The following TRNT1 variants were observed in gnomAD, a reference collection of about 807,000 sequenced individuals.
The protein encoded by TRNT1 is tRNA nucleotidyl transferase 1, also known as CCA tRNA nucleotidyltransferase 1, mitochondrial.
A neutral mutation model predicts 45.6 loss-of-function variants in TRNT1; 44 were observed. The observed-to-expected ratio is 0.97, with a 90% CI of 0.76 to 1.24. The LOEUF (loss-of-function observed/expected upper bound fraction) is 1.24. Among genes scored for constraint, TRNT1 ranks in the 50% most tolerant of loss-of-function variants. The probability of loss-of-function intolerance (pLI) is 0.00; values close to 1 mark genes in which losing one functional copy is unlikely to be tolerated. For synonymous variants in TRNT1, 201 were observed against 171.4 expected (o/e 1.17, Z -1.35); for missense variants, 633 against 504.4 (o/e 1.25, Z -2.44).
chr3:3,150,898 T>TTCA, downstream of TRNT1: 1 of 1,613,980 alleles, frequency 6.2e-7, no homozygotes, highest in Non-Finnish European at 8.5e-7. Flanking sequence ...CTGGACTTAT[T>TTCA]TCATCTTCAG....
Position 3,137,347 on chromosome 3 carries a change from A to T in TRNT1, c.236A>T (p.Asp79Val). 1 of 1,614,040 alleles carries T rather than the reference A, an allele frequency of 6.2e-7. No homozygotes were observed. Among genetic ancestry groups the T allele is most frequent in the Non-Finnish European group, 8.5e-7 (1 of 1,179,944 alleles). Residue 79 changes from aspartate to valine, a missense_variant, in exon 3 of 8, where the codon GAT (aspartate) becomes GTT (valine). Coordinates refer to ENST00000251607, the MANE Select transcript of TRNT1 (RefSeq NM_182916.3). ...LLNGVKPQDI[D>V]FATTATPTQM... ...AATGGAGTAAAGCCTCAGGATATAG[A>T]TTTTGCCACCACTGCTACCCCTACT...
Position 3,145,944 on chromosome 3 carries a change from G to A in TRNT1, c.609-486G>A, listed in dbSNP as rs537871396. ...TTCCGCGAAATATACTCCAGGGTGC[G>A]CAACTAGATGAGTCGTATTTGAAGG... On this transcript the variant is annotated intron_variant, in intron 5 of 7. Coordinates refer to ENST00000251607, the MANE Select transcript of TRNT1 (RefSeq NM_182916.3). Among the ~76,000 whole-genome samples the A allele has an allele frequency of 5.9e-5, 9 of 151,378 alleles. No homozygotes were observed. In the East Asian group the frequency reaches 9.7e-4, roughly 16 times the overall value.
chr3:3,133,540 A>AGT (rs955551200), intron 2 of TRNT1, among the ~76,000 whole-genome samples: 3 of 151,600 alleles, frequency 2.0e-5, no homozygotes, highest in African/African-American at 4.9e-5. Flanking sequence ...CCTGGATGAC[A>AGT]GTGAGACCCT....
chr3:3,144,058 A>T (rs1258663330), intron 4 of TRNT1, among the ~76,000 whole-genome samples: 1 of 152,172 alleles, frequency 6.6e-6, no homozygotes, highest in African/African-American at 2.4e-5. Flanking sequence ...TTTGTGTGTG[A>T]TAGTAGTTTC....
chr3:3,150,731 C>A, downstream of TRNT1: 1 of 881,912 alleles, frequency 1.1e-6, no homozygotes, highest in South Asian at 1.7e-5. Flanking sequence ...GAAACTGCAA[C>A]CCTCCAAGTA....
chr3:3,144,416 T>TAATA (rs1705850431), intron 4 of TRNT1, among the ~76,000 whole-genome samples, 168 bp from the exon 5 acceptor site: 1 of 152,222 alleles, frequency 6.6e-6, no homozygotes, highest in Non-Finnish European at 1.5e-5. Context: ...AAGACAGTCT[T>TAATA]TTATTGTCTT....
At chr3:3,135,706 A>T (rs748608093) in intron 2 of TRNT1, among the ~76,000 whole-genome samples, 1 of 152,188 alleles carries the variant, frequency 6.6e-6, no homozygotes, top group African/African-American at 2.4e-5. Flanking sequence ...TGAGGTAGGG[A>T]TAGAGGATTC....
intron 2 of TRNT1, among the ~76,000 whole-genome samples, chr3:3,132,947 G>C (rs531464909): frequency 6.6e-6 from 1 of 152,068 alleles, no homozygotes; most frequent in African/African-American, 2.4e-5. Flanking sequence ...ATCTTTTAGT[G>C]CAATGATCAA....
At chr3:3,146,768 G>C in intron 6 of TRNT1, 145 bp downstream of exon 6, 2 of 798,020 alleles carry the variant, frequency 2.5e-6, no homozygotes. Context: ...TTGGGTTATG[G>C]GGTAAGTTTT....
chr3:3,151,159 T>TAA, downstream of TRNT1: 1 of 1,127,084 alleles, frequency 8.9e-7, no homozygotes, highest in Non-Finnish European at 1.3e-6. Context: ...TTAGAGATTC[T>TAA]AAGTTGAGAT....
At chr3:3,130,088 T>C in intron 2 of TRNT1, 1 of 976,536 alleles carries the variant, frequency 1.0e-6, no homozygotes, top group Non-Finnish European at 1.5e-6. Context: ...TGTTGTCTGC[T>C]GATGTTGCTA....
At chr3:3,150,712 T>A (rs79231110), downstream of TRNT1, 1,764 of 739,820 alleles carry the variant, frequency 2.4e-3, 18 homozygotes, top group African/African-American at 0.026. Context: ...TCAAATACAG[T>A]TTCACTTAGA....
At position 3,140,742 on chromosome 3, in the gene TRNT1, A is replaced by C; in HGVS notation, c.481+94A>C. ...TCTGGAAATGTTCTTCAACTTGAGA[A>C]GTTGCATTAATTTCTTCTAAGAGAT... is the stretch of plus-strand genomic sequence containing the variant. On this transcript the variant is annotated intron_variant, in intron 4 of 7. Transcript: ENST00000251607. 2.8e-6 allele frequency: 4 copies of C among 1,454,410 alleles called. No homozygotes were observed. In the South Asian group the frequency reaches 5.1e-5, roughly 19 times the overall value. The allele number at this position is 1,454,410 out of a possible 1,614,324, so 90.1% of individuals were successfully genotyped here. A position where few individuals can be genotyped will look rare whatever the true frequency, so the allele number is the denominator to read the frequency against.
Position 3,146,595 on chromosome 3 carries a change from C to T in TRNT1, c.774C>T (p.Ile258=). ...GNHVNHLIHL[I]YDLDVAPYIG... ...ATGTAAATCATTTGATTCACCTTAT[C>T]TATGATCTTGATGTGGCTCCTTATA... Residue 258 remains isoleucine (I), a synonymous_variant, in exon 6 of 8, where the codon ATC becomes ATT. Transcript: ENST00000251607. 1.2e-6 allele frequency: 2 copies of T among 1,613,050 alleles called. No individual in the cohort carries two copies. Among genetic ancestry groups the T allele is most frequent in the South Asian group, 1.1e-5 (1 of 90,860 alleles).
intron 2 of TRNT1, among the ~76,000 whole-genome samples, chr3:3,133,935 TA>T (rs1705168308): frequency 6.6e-6 from 1 of 152,138 alleles, no homozygotes; most frequent in Non-Finnish European, 1.5e-5. Flanking sequence ...AAAATTTAAT[TA>T]AAAGTTAACA....
intron 2 of TRNT1, among the ~76,000 whole-genome samples, chr3:3,132,695 A>T (rs28503847): frequency 3.7e-4 from 41 of 110,846 alleles, no homozygotes; most frequent in Non-Finnish European, 7.5e-4. Flanking sequence ...AAAAAAAAAA[A>T]TTAAAAAAAT....
intron 2 of TRNT1, among the ~76,000 whole-genome samples, chr3:3,134,831 G>A (rs866539509): frequency 3.3e-5 from 5 of 151,988 alleles, no homozygotes; most frequent in South Asian, 4.1e-4. Flanking sequence ...CATAAAACAG[G>A]TAATTTTAAT....
At chr3:3,129,862 T>A in intron 2 of TRNT1, 1 of 1,550,508 alleles carries the variant, frequency 6.4e-7, no homozygotes, top group Non-Finnish European at 8.7e-7. Flanking sequence ...GTTTCGAACT[T>A]ACGCAGATTG....
chr3:3,142,872 TTA>T (rs754356002), intron 4 of TRNT1, among the ~76,000 whole-genome samples: 3 of 152,356 alleles, frequency 2.0e-5, no homozygotes, highest in Non-Finnish European at 4.4e-5. Flanking sequence ...TCATTTTCTT[TTA>T]TGTCTTTTTG....
Sources: gnomAD v4.1 joint callset for allele counts (sites outside exome capture counted in the v4.1 genomes callset) on GRCh38, gnomAD v4.1.1 for gene constraint, MANE v1.5 for transcripts, NCBI Gene and HGNC (gene_info 2026-07-23, HGNC 2026-07-21) for gene names.